Variants in PRDM5 observed in about 807,000 individuals in gnomAD.
The protein encoded by PRDM5 is PR domain zinc finger protein 5.
Under a neutral mutation model 81.2 loss-of-function variants are expected in PRDM5, and 56 were observed. The ratio of observed to expected loss-of-function variants is 0.69; its 90% CI spans 0.56 to 0.86. The LOEUF (loss-of-function observed/expected upper bound fraction) is 0.86, where lower values mean the gene tolerates loss of function less well. PRDM5 is among the 40% of genes least tolerant of loss of function. The pLI, the probability that PRDM5 is intolerant of heterozygous loss-of-function variation, is 0.00. For missense variants in PRDM5, 697 were observed against 770.1 expected, an observed-to-expected ratio of 0.91 and a Z score of 1.12; for synonymous variants, 267 against 256.4, an observed-to-expected ratio of 1.04 and a Z score of -0.39.
downstream of PRDM5, among the ~76,000 whole-genome samples, chr4:120,691,141 G>C (rs1734033105): frequency 6.6e-6 from 1 of 152,024 alleles, no homozygotes; most frequent in Non-Finnish European, 1.5e-5. Context: ...GGAAGAAGAG[G>C]AATTTGGACA....
At chr4:120,713,679 T>C (rs994695967) in intron 14 of PRDM5, among the ~76,000 whole-genome samples, 4 of 152,240 alleles carry the variant, frequency 2.6e-5, no homozygotes, top group African/African-American at 7.2e-5. Context: ...TACTGAATAA[T>C]ACAGGTACTG....
chr4:120,758,125 G>A (rs187944644), intron 13 of PRDM5, among the ~76,000 whole-genome samples: 1 of 152,196 alleles, frequency 6.6e-6, no homozygotes, highest in African/African-American at 2.4e-5. Context: ...TTACACCTCT[G>A]GCTTTCCTTG....
At chr4:120,880,892 TG>T (rs1762780585) in intron 2 of PRDM5, among the ~76,000 whole-genome samples, 1 of 152,176 alleles carries the variant, frequency 6.6e-6, no homozygotes, top group African/African-American at 2.4e-5. Flanking sequence ...TTATCAACTC[TG>T]GGTGTCAATG....
intron 10 of PRDM5, 45 bp from the exon 11 acceptor site, chr4:120,785,136 G>C (rs1236364078): frequency 7.1e-7 from 1 of 1,415,184 alleles, no homozygotes; most frequent in East Asian, 2.3e-5. Flanking sequence ...GAATCAACCA[G>C]TCATTACAAT....
Position 120,887,946 on chromosome 4 carries a change from C to A in PRDM5, c.177+19528G>T, listed in dbSNP as rs528328816. 7.5e-5 allele frequency among the ~76,000 whole-genome samples: 8 copies of A among 107,140 alleles called. 3 individuals are homozygous for A. The highest frequency in any genetic ancestry group is 3.7e-4 in the African/African-American group (7 of 18,770). The allele number at this position is 107,140 out of a possible 152,430, so 70.3% of individuals were successfully genotyped here. ...TAGCTGGGACTACAGGCGCCCGCCA[C>A]TACGCCCGGCTAATTTTTTGTATTT... On this transcript the variant is annotated intron_variant, in intron 2 of 15. Transcript: ENST00000264808.
chr4:120,878,951 G>C (rs889281024), intron 2 of PRDM5, among the ~76,000 whole-genome samples: 3 of 152,108 alleles, frequency 2.0e-5, no homozygotes, highest in African/African-American at 7.2e-5. Flanking sequence ...ATGCAAAATG[G>C]TACAGCCTCT....
chr4:120,880,935 T>C (rs1295085907), intron 2 of PRDM5, among the ~76,000 whole-genome samples: 1 of 152,096 alleles, frequency 6.6e-6, no homozygotes, highest in South Asian at 2.1e-4. Context: ...CAACGAAATA[T>C]TGTATAAATT....
At chr4:120,817,670 T>C (rs1019196587) in intron 5 of PRDM5, among the ~76,000 whole-genome samples, 1 of 152,180 alleles carries the variant, frequency 6.6e-6, no homozygotes, top group Non-Finnish European at 1.5e-5. Flanking sequence ...TTACAAACTT[T>C]AATGAGTAAA....
At chr4:120,820,247 A>G (rs1362796361) in intron 4 of PRDM5, among the ~76,000 whole-genome samples, 1 of 152,214 alleles carries the variant, frequency 6.6e-6, no homozygotes, top group Non-Finnish European at 1.5e-5. Flanking sequence ...CTTCTGTCAC[A>G]TGAGGACACA....
At chr4:120,788,652 A>G (rs1365367575) in intron 10 of PRDM5, among the ~76,000 whole-genome samples, 1 of 152,222 alleles carries the variant, frequency 6.6e-6, no homozygotes, top group Non-Finnish European at 1.5e-5. Flanking sequence ...CTTAAGGAAC[A>G]TGACTTAAGT....
rs532678974 is a variant in PRDM5, at chr4:120,866,476, AGTTATT to A, written c.178-12942_178-12937del. 9.8e-5 allele frequency among the ~76,000 whole-genome samples: 15 copies of A among 152,376 alleles called. No individual in the cohort carries two copies. The East Asian group carries it at 2.9e-3, about 29-fold the overall frequency. ...AAATACTAACAGTATAACTGCTAATAGTTATTGAGTGTTTATTATGTGCCAGGCACT... is the reference window on the plus strand; with the variant it reads ...AAATACTAACAGTATAACTGCTAATAGAGTGTTTATTATGTGCCAGGCACT... On this transcript the variant is annotated intron_variant, in intron 2 of 15. Transcript: ENST00000264808.
chr4:120,807,997 G>A (rs774657889), intron 8 of PRDM5, among the ~76,000 whole-genome samples: 4 of 152,158 alleles, frequency 2.6e-5, no homozygotes, highest in African/African-American at 4.8e-5. Flanking sequence ...GTGGGTTCAC[G>A]GTCTCACTGG....
intron 14 of PRDM5, among the ~76,000 whole-genome samples, chr4:120,711,600 G>A (rs1018089565): frequency 1.3e-5 from 2 of 151,566 alleles, no homozygotes; most frequent in African/African-American, 2.4e-5. Flanking sequence ...GTGAGCCACT[G>A]CACCTGTGTT....
chr4:120,847,024 G>T (rs564436503), intron 3 of PRDM5, among the ~76,000 whole-genome samples: 1 of 152,070 alleles, frequency 6.6e-6, no homozygotes, highest in South Asian at 2.1e-4. Context: ...TCCAAACTGG[G>T]TTGGGTTCTG....
At chr4:120,763,259 G>A (rs1745903392) in intron 13 of PRDM5, among the ~76,000 whole-genome samples, 1 of 152,020 alleles carries the variant, frequency 6.6e-6, no homozygotes, top group South Asian at 2.1e-4. Flanking sequence ...TTTACTGAGG[G>A]TGAAACAAAA....
intron 14 of PRDM5, among the ~76,000 whole-genome samples, chr4:120,733,873 A>G (rs538257099): frequency 6.0e-5 from 9 of 149,118 alleles, no homozygotes; most frequent in African/African-American, 2.2e-4. Context: ...GAAACAGAAG[A>G]AAAACAATGA....
At chr4:120,817,456 C>T (rs72678346) in intron 5 of PRDM5, among the ~76,000 whole-genome samples, 14,601 of 152,050 alleles carry the variant, frequency 0.096, 899 homozygotes, top group South Asian at 0.2. Flanking sequence ...AGGTAACATT[C>T]TGTTAAAATG....
intron 2 of PRDM5, among the ~76,000 whole-genome samples, chr4:120,858,737 G>C (rs1032229576): frequency 6.6e-6 from 1 of 152,064 alleles, no homozygotes; most frequent in African/African-American, 2.4e-5. Flanking sequence ...GGAAATACAG[G>C]CATTTACAGA....
chr4:120,788,146 C>A (rs909500334), intron 10 of PRDM5, among the ~76,000 whole-genome samples: 3 of 152,044 alleles, frequency 2.0e-5, no homozygotes, highest in Non-Finnish European at 4.4e-5. Context: ...ATACAACTGA[C>A]AAATTTTTGC....
Sources: gnomAD v4.1 joint callset for allele counts (sites outside exome capture counted in the v4.1 genomes callset) on GRCh38, gnomAD v4.1.1 for gene constraint, MANE v1.5 for transcripts, NCBI Gene and HGNC (gene_info 2026-07-23, HGNC 2026-07-21) for gene names.